ANXA13: variants seen among roughly 807,000 people sequenced by gnomAD.
ANXA13 encodes annexin XIII.
ANXA13 carries 36 observed loss-of-function variants against 46.6 expected under a neutral mutation model. That is an observed-to-expected ratio of 0.77 (90% CI 0.59 to 1.02). ANXA13 has a LOEUF of 1.02. ANXA13 is among the 50% of genes least tolerant of loss of function. ANXA13 has a pLI of 0.00. For missense variants in ANXA13, 417 were observed against 396.5 expected, an observed-to-expected ratio of 1.05 and a Z score of -0.44; for synonymous variants, 163 against 152.9, an observed-to-expected ratio of 1.07 and a Z score of -0.49.
At chr8:123,714,116 A>G (rs1205704191) in intron 1 of ANXA13, among the ~76,000 whole-genome samples, 1 of 152,156 alleles carries the variant, frequency 6.6e-6, no homozygotes, top group African/African-American at 2.4e-5. Flanking sequence ...AGTCAACCAC[A>G]TGCAGCTCAG....
intron 2 of ANXA13, among the ~76,000 whole-genome samples, chr8:123,710,718 T>G (rs1219059631): frequency 6.6e-6 from 1 of 151,856 alleles, no homozygotes; most frequent in African/African-American, 2.4e-5. Flanking sequence ...TGTTCCCCAC[T>G]TACTGGCTTG....
intron 1 of ANXA13, among the ~76,000 whole-genome samples, chr8:123,735,515 G>A (rs948151021): frequency 4.6e-5 from 7 of 152,060 alleles, no homozygotes; most frequent in African/African-American, 1.7e-4. Flanking sequence ...ATTTCAAGGA[G>A]TTGTTAATGA....
chr8:123,698,333 T>G, intron 4 of ANXA13, 56 bp downstream of exon 4: 1 of 1,581,998 alleles, frequency 6.3e-7, no homozygotes, highest in Non-Finnish European at 8.6e-7. Flanking sequence ...TCTGGGGGGC[T>G]GCAACCATCT....
chr8:123,693,581 A>C, intron 7 of ANXA13, 130 bp downstream of exon 7: 1 of 814,588 alleles, frequency 1.2e-6, no homozygotes, highest in Non-Finnish European at 1.9e-6. Context: ...ATGATCTAGA[A>C]AGATCTAAGC....
chr8:123,724,182 A>G (rs1813938186), intron 1 of ANXA13, among the ~76,000 whole-genome samples: 1 of 152,262 alleles, frequency 6.6e-6, no homozygotes, highest in African/African-American at 2.4e-5. Context: ...TTGGAGAAAT[A>G]ACAGGAATCA....
intron 6 of ANXA13, among the ~76,000 whole-genome samples, chr8:123,695,179 T>G (rs1813307348): frequency 6.6e-6 from 1 of 152,090 alleles, no homozygotes; most frequent in South Asian, 2.1e-4. Context: ...ACTGGCTGCA[T>G]GAACCTGGGC....
chr8:123,697,929 C>T (rs1479498292), intron 4 of ANXA13, among the ~76,000 whole-genome samples: 1 of 152,210 alleles, frequency 6.6e-6, no homozygotes, highest in Non-Finnish European at 1.5e-5. Flanking sequence ...TACTGGCAGC[C>T]ACTGGGGTGT....
chr8:123,709,846 C>T (rs1457694638), intron 2 of ANXA13, among the ~76,000 whole-genome samples: 3 of 152,208 alleles, frequency 2.0e-5, no homozygotes, highest in Admixed American at 6.5e-5. Context: ...GCAATCTCCA[C>T]CTCCCAGGTT....
chr8:123,692,450 G>A (rs900723554), intron 8 of ANXA13, among the ~76,000 whole-genome samples: 6 of 152,184 alleles, frequency 3.9e-5, no homozygotes, highest in East Asian at 1.9e-4. Flanking sequence ...CACTCCAGGC[G>A]TTTTGCAAGT....
chr8:123,701,694 G>T (rs1412386426), intron 3 of ANXA13, among the ~76,000 whole-genome samples: 1 of 151,998 alleles, frequency 6.6e-6, no homozygotes, highest in African/African-American at 2.4e-5. Flanking sequence ...TCCAGGAATG[G>T]ATACTGTTCT....
chr8:123,736,708 T>G (rs559255123), intron 1 of ANXA13, among the ~76,000 whole-genome samples: 1 of 152,338 alleles, frequency 6.6e-6, no homozygotes, highest in Non-Finnish European at 1.5e-5. Flanking sequence ...ACTAACAGCT[T>G]TAGTTATACA....
At chr8:123,692,945 C>T (rs186715727) in intron 8 of ANXA13, among the ~76,000 whole-genome samples, 6 of 152,230 alleles carry the variant, frequency 3.9e-5, no homozygotes. Context: ...GTGGGCTGTC[C>T]TGTGCACTGC....
chr8:123,722,606 G>A (rs1423425635), intron 1 of ANXA13, among the ~76,000 whole-genome samples: 1 of 152,182 alleles, frequency 6.6e-6, no homozygotes, highest in East Asian at 1.9e-4. Context: ...AGTGAGCAAA[G>A]TGTGTATGTA....
chr8:123,682,266 A>T (rs1005154127), intron 10 of ANXA13, among the ~76,000 whole-genome samples: 2 of 152,234 alleles, frequency 1.3e-5, no homozygotes, highest in Non-Finnish European at 2.9e-5. Context: ...CAGGTGCTAG[A>T]AGTGATGATA....
chr8:123,735,113 C>CAAAA (rs35085268), intron 1 of ANXA13, among the ~76,000 whole-genome samples: 2 of 108,574 alleles, frequency 1.8e-5, no homozygotes, highest in Non-Finnish European at 2.0e-5. Flanking sequence ...AAGTAAAACT[C>CAAAA]AAAAAAAAAA....
intron 1 of ANXA13, among the ~76,000 whole-genome samples, chr8:123,731,685 C>A (rs1305821730): frequency 5.3e-5 from 8 of 152,066 alleles, no homozygotes; most frequent in Admixed American, 5.2e-4. Context: ...CCAGCCTGAG[C>A]AACATAGGAA....
chr8:123,736,803 C>T (rs1814276324), intron 1 of ANXA13, among the ~76,000 whole-genome samples: 1 of 148,162 alleles, frequency 6.7e-6, no homozygotes, highest in Admixed American at 6.7e-5. Flanking sequence ...TTTAGCCCCT[C>T]TTAAGAGATT....
chr8:123,735,935 C>T (rs1444505943), intron 1 of ANXA13: 1 of 1,510,772 alleles, frequency 6.6e-7, no homozygotes, highest in Admixed American at 2.2e-5. Flanking sequence ...GCCAGCTGCT[C>T]CCTAGGTTGA....
At chr8:123,708,376 C>G (rs936258640) in intron 2 of ANXA13, among the ~76,000 whole-genome samples, 9 of 152,170 alleles carry the variant, frequency 5.9e-5, no homozygotes, top group Non-Finnish European at 1.3e-4. Context: ...GTGGGAAGCC[C>G]CCAGGCCCTT....
Sources: gnomAD v4.1 joint callset for allele counts (sites outside exome capture counted in the v4.1 genomes callset) on GRCh38, gnomAD v4.1.1 for gene constraint, MANE v1.5 for transcripts, NCBI Gene and HGNC (gene_info 2026-07-23, HGNC 2026-07-21) for gene names.